The following TBC1D14 variants were observed in gnomAD, a reference collection of about 807,000 sequenced individuals.
TBC1D14 encodes the protein TBC1 domain family, member 14.
A neutral mutation model predicts 79.0 loss-of-function variants in TBC1D14; 26 were observed. The observed-to-expected ratio is 0.33, with a 90% CI of 0.24 to 0.46. TBC1D14 has a LOEUF of 0.46. Among genes scored for constraint, TBC1D14 ranks in the 20% least tolerant of loss-of-function variants. TBC1D14 has a pLI of 1.00. For synonymous variants in TBC1D14, 394 were observed against 349.9 expected (o/e 1.13, Z -1.40); for missense variants, 769 against 887.6 (o/e 0.87, Z 1.70).
intron 2 of TBC1D14, among the ~76,000 whole-genome samples, chr4:6,959,662 AT>A (rs1483297664): frequency 1.3e-5 from 2 of 152,194 alleles, no homozygotes; most frequent in African/African-American, 4.8e-5. Context: ...TTTTTGAGGC[AT>A]AGTAGGCATG....
At chr4:7,000,482 C>A (rs1172149823) in intron 6 of TBC1D14, among the ~76,000 whole-genome samples, 21 of 152,236 alleles carry the variant, frequency 1.4e-4, no homozygotes, top group Admixed American at 1.4e-3. Flanking sequence ...AGGATGCAGC[C>A]TGCTTTCTGC....
At chr4:6,969,595 C>T (rs992602149) in intron 3 of TBC1D14, among the ~76,000 whole-genome samples, 4 of 152,110 alleles carry the variant, frequency 2.6e-5, no homozygotes, top group East Asian at 1.9e-4. Context: ...TTAGTAGAGA[C>T]GGGGTTTCAA....
At chr4:7,005,855 G>A (rs1347620220) in intron 8 of TBC1D14, among the ~76,000 whole-genome samples, 2 of 152,176 alleles carry the variant, frequency 1.3e-5, no homozygotes, top group Non-Finnish European at 2.9e-5. Context: ...GGCTTATAGA[G>A]GAGCTCAGAT....
intron 13 of TBC1D14, 41 bp from the exon 14 acceptor site, chr4:7,030,286 C>T (rs376309679): frequency 1.3e-4 from 202 of 1,596,972 alleles, no homozygotes; most frequent in Non-Finnish European, 1.3e-4. Context: ...GATCTGTGTG[C>T]GTGGTCACTT....
rs1483364120 is a variant in TBC1D14, at chr4:7,010,083, G to A, written c.1518+135G>A. On this transcript the variant is annotated intron_variant, in intron 10 of 13. Transcript: ENST00000409757. The stretch of plus-strand genomic sequence containing the variant: ...AGGAGTATGAAAAGTCTCGTGGTAA[G>A]TGAGTTAAGTGAGTTGACTCAGGTT... The A allele has an allele frequency of 8.1e-6, 7 of 867,640 alleles. No individual in the cohort carries two copies. In the African/African-American group the frequency reaches 1.2e-4, roughly 14 times the overall value. The allele number at this position is 867,640 out of a possible 1,614,324, so 53.7% of individuals were successfully genotyped here.
At chr4:6,937,940 C>G (rs764172258) in intron 2 of TBC1D14, among the ~76,000 whole-genome samples, 2 of 151,820 alleles carry the variant, frequency 1.3e-5, no homozygotes, top group African/African-American at 4.8e-5. Context: ...GACGTAGGCT[C>G]CCCCCGGGGC....
At chr4:6,991,615 C>T (rs377421170) in intron 3 of TBC1D14, among the ~76,000 whole-genome samples, 31 of 152,306 alleles carry the variant, frequency 2.0e-4, no homozygotes, top group African/African-American at 7.0e-4. Flanking sequence ...CACAGCTTTG[C>T]GCTGGTGAGG....
intron 3 of TBC1D14, among the ~76,000 whole-genome samples, chr4:6,982,964 A>G (rs1310970338): frequency 6.6e-6 from 1 of 152,156 alleles, no homozygotes; most frequent in Non-Finnish European, 1.5e-5. Flanking sequence ...AGGGAGACCT[A>G]CTTTCCACTG....
chr4:7,010,531 G>A (rs1274882497), intron 10 of TBC1D14, 122 bp from the exon 11 acceptor site: 3 of 1,231,568 alleles, frequency 2.4e-6, no homozygotes, highest in Non-Finnish European at 3.3e-6. Context: ...GGCCGGAGGA[G>A]TGGGGCGGCT....
At chr4:6,937,406 T>C (rs1712445993) in intron 2 of TBC1D14, among the ~76,000 whole-genome samples, 1 of 152,172 alleles carries the variant, frequency 6.6e-6, no homozygotes, top group Non-Finnish European at 1.5e-5. Context: ...CCTCATGACC[T>C]AGTCACCTCC....
chr4:7,019,270 T>G (rs1339797237), intron 12 of TBC1D14, among the ~76,000 whole-genome samples: 2 of 152,162 alleles, frequency 1.3e-5, no homozygotes. Flanking sequence ...TCCTCCCAAC[T>G]AGGCCACCCA....
At chr4:6,953,505 C>T (rs1177320573) in intron 2 of TBC1D14, among the ~76,000 whole-genome samples, 1 of 145,176 alleles carries the variant, frequency 6.9e-6, no homozygotes, top group Non-Finnish European at 1.5e-5. Context: ...GTGGCGGGCG[C>T]CTGTAGTCCC....
chr4:6,923,751 A>C lies in TBC1D14; in HGVS notation c.362A>C (p.Glu121Ala), dbSNP rs766313548. The change falls in exon 2 of 14, where the codon GAA becomes GCA. Residue 121 changes from glutamate (E) to alanine (A), a missense_variant. This residue lies in a region of TBC1D14 where 402 missense variants were observed against 393.2 expected (regional missense o/e 1.02). Transcript: ENST00000409757. ...APPAPSSTER[E>A]QSVRKSSTFP... The stretch of plus-strand genomic sequence containing the variant: ...CCAGCTCCTAGCAGCACCGAGCGGG[A>C]ACAGAGCGTGCGCAAATCCTCCACG... The C allele has an allele frequency of 2.5e-6, 4 of 1,613,998 alleles. 1 individual carries two copies. The South Asian group carries it at 4.4e-5, about 18-fold the overall frequency.
intron 2 of TBC1D14, among the ~76,000 whole-genome samples, chr4:6,952,578 A>T (rs1027407499): frequency 1.3e-5 from 2 of 152,248 alleles, no homozygotes; most frequent in African/African-American, 4.8e-5. Context: ...CACAGTGCAG[A>T]CATCTATGAA....
At chr4:7,028,125 A>C (rs1264278448) in intron 13 of TBC1D14, among the ~76,000 whole-genome samples, 1 of 151,174 alleles carries the variant, frequency 6.6e-6, no homozygotes, top group African/African-American at 2.4e-5. Flanking sequence ...ACGTCACCCC[A>C]CACATCACAC....
At chr4:7,005,052 A>T (rs1468861956) in intron 8 of TBC1D14, 128 bp downstream of exon 8, 1 of 880,084 alleles carries the variant, frequency 1.1e-6, no homozygotes, top group African/African-American at 1.7e-5. Flanking sequence ...GCTCCACGAG[A>T]AAAGGGTTTT....
At chr4:6,965,987 T>C (rs1431697554) in intron 2 of TBC1D14, among the ~76,000 whole-genome samples, 2 of 152,240 alleles carry the variant, frequency 1.3e-5, no homozygotes, top group East Asian at 3.8e-4. Flanking sequence ...CATCTGTTGA[T>C]CATTTCCTAG....
At chr4:6,959,303 G>GC (rs1377532318) in intron 2 of TBC1D14, among the ~76,000 whole-genome samples, 1 of 152,222 alleles carries the variant, frequency 6.6e-6, no homozygotes, top group Non-Finnish European at 1.5e-5. Context: ...AGGCCCTGCA[G>GC]CAGGTGCTGG....
intron 13 of TBC1D14, among the ~76,000 whole-genome samples, chr4:7,028,266 C>T (rs933472726): frequency 2.0e-5 from 3 of 152,058 alleles, no homozygotes; most frequent in African/African-American, 4.8e-5. Flanking sequence ...CCAGATCAGC[C>T]ATTTTGATCC....
Sources: allele counts gnomAD v4.1 joint callset (sites outside exome capture counted in the v4.1 genomes callset), GRCh38; gene constraint gnomAD v4.1.1; regional missense constraint gnomAD v4.1.1; transcripts MANE v1.5; gene names NCBI Gene and HGNC (gene_info 2026-07-23, HGNC 2026-07-21).